The following ZMIZ1 variants were observed in gnomAD, a reference collection of about 807,000 sequenced individuals.
The protein encoded by ZMIZ1 is zinc finger MIZ-type containing 1.
ZMIZ1 carries 17 observed loss-of-function variants against 113.9 expected under a neutral mutation model. The observed-to-expected ratio is 0.15, with a 90% CI of 0.10 to 0.22. ZMIZ1 has a LOEUF of 0.22. Ranked by LOEUF, ZMIZ1 falls within the 10% of genes least tolerant of loss-of-function variation. The pLI, the probability that ZMIZ1 is intolerant of heterozygous loss-of-function variation, is 1.00. For synonymous variants in ZMIZ1, 607 were observed against 603.1 expected, an observed-to-expected ratio of 1.01 and a Z score of -0.09; for missense variants, 1,059 against 1,477.8, an observed-to-expected ratio of 0.72 and a Z score of 4.65.
intron 7 of ZMIZ1, among the ~76,000 whole-genome samples, chr10:79,234,329 C>T (rs1426062336): frequency 1.3e-5 from 2 of 152,076 alleles, no homozygotes; most frequent in African/African-American, 2.4e-5. Flanking sequence ...CCCTGGGCCT[C>T]GGAAGCTCAG....
At chr10:79,161,391 G>T (rs556260110) in intron 3 of ZMIZ1, among the ~76,000 whole-genome samples, 2 of 152,212 alleles carry the variant, frequency 1.3e-5, no homozygotes, top group East Asian at 3.9e-4. Context: ...TCCACTCACG[G>T]CACCCCTCCC....
intron 7 of ZMIZ1, among the ~76,000 whole-genome samples, chr10:79,240,769 G>A (rs1849795650): frequency 6.7e-6 from 1 of 150,196 alleles, no homozygotes; most frequent in East Asian, 2.0e-4. Flanking sequence ...GGGTACCTGG[G>A]AGAACAGGGA....
At chr10:79,158,904 C>G (rs148439000) in intron 3 of ZMIZ1, among the ~76,000 whole-genome samples, 538 of 152,366 alleles carry the variant, frequency 3.5e-3, no homozygotes, top group African/African-American at 0.012. Context: ...AGGAGTGAGT[C>G]CTGGCCTCCC....
In ZMIZ1 at chr10:79,125,090, G is replaced by A. The variant is rs760741612; in HGVS notation, c.-227+6066G>A. On this transcript the variant is annotated intron_variant, in intron 2 of 24. Coordinates refer to ENST00000334512, the MANE Select transcript of ZMIZ1 (RefSeq NM_020338.4). ...TGGCCGGACCTTCATGCTCCACCACGGCCTCTTCAGCAACCCAGGCACCTC... is the reference window on the plus strand; with the variant it reads ...TGGCCGGACCTTCATGCTCCACCACAGCCTCTTCAGCAACCCAGGCACCTC... 5.7e-4 allele frequency among the ~76,000 whole-genome samples: 87 copies of A among 152,214 alleles called. 3 individuals carry two copies. The highest frequency in any genetic ancestry group is 1.1e-3 in the Admixed American group (17 of 15,282).
At chr10:79,235,821 T>C (rs1436847532) in intron 7 of ZMIZ1, among the ~76,000 whole-genome samples, 1 of 152,080 alleles carries the variant, frequency 6.6e-6, no homozygotes, top group African/African-American at 2.4e-5. Flanking sequence ...CACTTTGCAG[T>C]TTGCAGGGCA....
At chr10:79,115,638 A>G (rs1843986365) in intron 1 of ZMIZ1, among the ~76,000 whole-genome samples, 1 of 152,238 alleles carries the variant, frequency 6.6e-6, no homozygotes, top group Non-Finnish European at 1.5e-5. Context: ...CATAGCTCTT[A>G]GATGACACTG....
In ZMIZ1 at chr10:79,277,119, G is replaced by T. The variant is rs191772178; in HGVS notation, c.281-62G>T. Reference sequence around the variant, plus strand: ...ACCCAGTCTGGGGAGAGTTGGGGGGGGGTCTTGGTGTGGCAGAGCATGATG... The same window carrying T: ...ACCCAGTCTGGGGAGAGTTGGGGGGTGGTCTTGGTGTGGCAGAGCATGATG... On this transcript the variant is annotated intron_variant, in intron 7 of 24. Coordinates refer to ENST00000334512, the MANE Select transcript of ZMIZ1 (RefSeq NM_020338.4). The T allele has an allele frequency of 1.8e-4, 260 of 1,447,340 alleles. 2 individuals carry two copies. In the East Asian group the frequency reaches 5.7e-3, roughly 32 times the overall value. 89.7% of individuals were successfully genotyped at this position (1,447,340 alleles called of 1,614,324 possible). A position where few individuals can be genotyped will look rare whatever the true frequency, so the allele number is the denominator to read the frequency against.
At chr10:79,268,772 A>G (rs1851756659) in intron 7 of ZMIZ1, among the ~76,000 whole-genome samples, 1 of 152,214 alleles carries the variant, frequency 6.6e-6, no homozygotes, top group Admixed American at 6.5e-5. Flanking sequence ...CAGATTGGAA[A>G]GAGGTAATCA....
chr10:79,089,019 G>A (rs905739638), intron 1 of ZMIZ1, among the ~76,000 whole-genome samples: 3 of 152,228 alleles, frequency 2.0e-5, no homozygotes, highest in African/African-American at 7.2e-5. Flanking sequence ...CCCTACGTGA[G>A]GCCACAGCTT....
chr10:79,306,337 C>T lies in ZMIZ1; in HGVS notation c.2661C>T (p.Ser887=). ...PPGGTNSNDY[S]SQGNNYQGHG... ...GGGGCACCAACTCCAACGACTACAG[C>T]AGCCAAGGTGGGTGATGCCAGGCAG... The change falls in exon 22 of 25, where the codon AGC becomes AGT. Residue 887 remains serine (S), a synonymous_variant. Transcript: ENST00000334512. 2 of 1,609,514 alleles carry T rather than the reference C, an allele frequency of 1.2e-6. No individual in the cohort carries two copies. The highest frequency in any genetic ancestry group is 1.7e-6 in the Non-Finnish European group (2 of 1,179,864).
At chr10:79,093,964 A>G (rs943800108) in intron 1 of ZMIZ1, among the ~76,000 whole-genome samples, 2 of 152,190 alleles carry the variant, frequency 1.3e-5, no homozygotes, top group East Asian at 3.9e-4. Context: ...GCCAATTTGC[A>G]TTTTGGGAAA....
At chr10:79,151,186 G>A (rs1845698638) in intron 3 of ZMIZ1, among the ~76,000 whole-genome samples, 1 of 152,172 alleles carries the variant, frequency 6.6e-6, no homozygotes. Context: ...CCCCTGCCAT[G>A]GGGTGGCCAC....
intron 1 of ZMIZ1, among the ~76,000 whole-genome samples, chr10:79,080,978 A>G (rs1186782239): frequency 6.6e-6 from 1 of 152,082 alleles, no homozygotes; most frequent in African/African-American, 2.4e-5. Flanking sequence ...CTTGGCGCCC[A>G]TCTCATCTGA....
chr10:79,257,154 C>T (rs968885612), intron 7 of ZMIZ1, among the ~76,000 whole-genome samples: 3 of 152,224 alleles, frequency 2.0e-5, no homozygotes, highest in African/African-American at 7.2e-5. Context: ...CATGTCAACT[C>T]CGCTCATCCC....
intron 24 of ZMIZ1, among the ~76,000 whole-genome samples, chr10:79,311,486 C>T (rs1019958656): frequency 3.3e-5 from 5 of 152,182 alleles, no homozygotes. Context: ...ACAGGAGGGT[C>T]CCTGCCCTCC....
At chr10:79,310,146 C>T (rs530862975) in intron 23 of ZMIZ1, among the ~76,000 whole-genome samples, 7 of 152,310 alleles carry the variant, frequency 4.6e-5, no homozygotes, top group Non-Finnish European at 7.4e-5. Context: ...ATTGGTGAAC[C>T]GTCACTCAGT....
intron 2 of ZMIZ1, among the ~76,000 whole-genome samples, chr10:79,130,411 C>T (rs908725364): frequency 1.3e-5 from 2 of 152,222 alleles, no homozygotes; most frequent in East Asian, 1.9e-4. Context: ...CACTCCAACC[C>T]TACCCAGTAT....
At chr10:79,200,553 C>T (rs10128172) in intron 4 of ZMIZ1, among the ~76,000 whole-genome samples, 1 of 152,114 alleles carries the variant, frequency 6.6e-6, no homozygotes, top group African/African-American at 2.4e-5. Context: ...TGCACCCGCA[C>T]TGTCAGCCTT....
intron 3 of ZMIZ1, 128 bp from the exon 4 acceptor site, chr10:79,161,925 C>T: frequency 2.5e-6 from 1 of 398,308 alleles, no homozygotes; most frequent in Non-Finnish European, 4.4e-6. Context: ...GCCAGGGCAC[C>T]CCATCATGTC....
Sources: gnomAD v4.1 joint callset for allele counts (sites outside exome capture counted in the v4.1 genomes callset) on GRCh38, gnomAD v4.1.1 for gene constraint, MANE v1.5 for transcripts, NCBI Gene and HGNC (gene_info 2026-07-23, HGNC 2026-07-21) for gene names.